The following ADAM10 variants were observed in gnomAD, a reference collection of about 807,000 sequenced individuals.
ADAM10 encodes ADAM metallopeptidase domain 10, also known as disintegrin and metalloproteinase domain-containing protein 10.
A neutral mutation model predicts 90.1 loss-of-function variants in ADAM10; 17 were observed. The observed-to-expected ratio is 0.19, with a 90% CI of 0.13 to 0.28. ADAM10 has a LOEUF of 0.28. Among genes scored for constraint, ADAM10 ranks in the 10% least tolerant of loss-of-function variants. ADAM10 has a pLI of 1.00. For synonymous variants in ADAM10, 310 were observed against 298.6 expected (o/e 1.04, Z -0.40); for missense variants, 610 against 914.3 (o/e 0.67, Z 4.29).
intron 14 of ADAM10, among the ~76,000 whole-genome samples, chr15:58,605,269 G>C (rs1198063358): frequency 1.3e-5 from 2 of 152,126 alleles, no homozygotes; most frequent in Admixed American, 1.3e-4. Flanking sequence ...AATTTTTTCA[G>C]GTAACTATGT....
intron 8 of ADAM10, 113 bp downstream of exon 8, chr15:58,640,664 T>C (rs1482783499): frequency 9.9e-7 from 1 of 1,014,928 alleles, no homozygotes; most frequent in Admixed American, 2.1e-5. Context: ...GTAGCATAAA[T>C]TAGGATATTA....
At chr15:58,617,865 T>A (rs1895662401) in intron 11 of ADAM10, among the ~76,000 whole-genome samples, 1 of 140,938 alleles carries the variant, frequency 7.1e-6, no homozygotes. Context: ...GAAGGAAAAC[T>A]ATGAAACACT....
chr15:58,599,499 T>C (rs1895052550), intron 15 of ADAM10, 99 bp downstream of exon 15: 1 of 1,358,378 alleles, frequency 7.4e-7, no homozygotes, highest in Non-Finnish European at 1.0e-6. Context: ...ACGGAGAAAG[T>C]ACTGTAACAT....
chr15:58,697,006 C>T (rs573862507), intron 2 of ADAM10, among the ~76,000 whole-genome samples: 2 of 152,292 alleles, frequency 1.3e-5, no homozygotes, highest in South Asian at 4.1e-4. Context: ...GTTGTGATCC[C>T]ATGCTGCCCC....
intron 1 of ADAM10, among the ~76,000 whole-genome samples, chr15:58,734,676 G>A (rs1368464559): frequency 1.3e-5 from 2 of 150,948 alleles, no homozygotes; most frequent in Non-Finnish European, 2.9e-5. Context: ...ATGCAGCCTG[G>A]GTGACAAAGT....
chr15:58,744,022 T>C (rs1315769895), intron 1 of ADAM10, among the ~76,000 whole-genome samples: 14 of 152,236 alleles, frequency 9.2e-5, no homozygotes, highest in Non-Finnish European at 2.1e-4. Context: ...AGAGTACTCA[T>C]GATTTAGCTC....
intron 2 of ADAM10, among the ~76,000 whole-genome samples, chr15:58,714,913 T>C (rs996484703): frequency 6.6e-6 from 1 of 152,086 alleles, no homozygotes; most frequent in East Asian, 1.9e-4. Context: ...TGTAGGCCTA[T>C]TTTCAAGGAA....
chr15:58,651,165 T>C (rs771895052), intron 5 of ADAM10, among the ~76,000 whole-genome samples: 13 of 152,178 alleles, frequency 8.5e-5, no homozygotes, highest in Admixed American at 5.9e-4. Flanking sequence ...ATAAGATATA[T>C]AATACTTTGA....
chr15:58,678,376 T>C (rs1398459456), intron 4 of ADAM10, among the ~76,000 whole-genome samples: 1 of 152,038 alleles, frequency 6.6e-6, no homozygotes, highest in African/African-American at 2.4e-5. Flanking sequence ...GGAAAACGTA[T>C]GTAGGAAGAA....
chr15:58,729,738 C>A (rs1188588875), intron 1 of ADAM10, among the ~76,000 whole-genome samples: 1 of 152,036 alleles, frequency 6.6e-6, no homozygotes, highest in African/African-American at 2.4e-5. Flanking sequence ...CCAAGGCAGG[C>A]GGATCACTTG....
intron 1 of ADAM10, among the ~76,000 whole-genome samples, chr15:58,722,267 G>A (rs541839584): frequency 3.3e-5 from 5 of 151,870 alleles, no homozygotes; most frequent in Admixed American, 2.6e-4. Flanking sequence ...ACTTGAACCC[G>A]GAAGGTGGAG....
At chr15:58,730,006 A>G (rs1053383427) in intron 1 of ADAM10, among the ~76,000 whole-genome samples, 2 of 148,482 alleles carry the variant, frequency 1.3e-5, no homozygotes, top group African/African-American at 4.9e-5. Context: ...AAACAAACAA[A>G]AAAAAAAACT....
chr15:58,643,819 G>T, intron 7 of ADAM10, 67 bp downstream of exon 7: 1 of 1,171,240 alleles, frequency 8.5e-7, no homozygotes, highest in Non-Finnish European at 1.3e-6. Context: ...AAGCTTTTGT[G>T]TGTGTGTGTA....
chr15:58,709,314 G>A (rs2140803308), intron 2 of ADAM10, among the ~76,000 whole-genome samples: 1 of 152,180 alleles, frequency 6.6e-6, no homozygotes, highest in Admixed American at 6.5e-5. Context: ...AGATCCAACT[G>A]AACATGAAAC....
intron 12 of ADAM10, chr15:58,611,450 G>A (rs1454525650): frequency 6.1e-6 from 2 of 326,310 alleles, no homozygotes; most frequent in East Asian, 1.4e-4. Context: ...GTAGAGCAAA[G>A]TGATATTCAG....
Position 58,627,770 on chromosome 15 carries a change from ATTG to A in ADAM10, c.1287_1289del (p.Asn430del). 1 of 1,613,584 alleles carries A rather than the reference ATTG, an allele frequency of 6.2e-7. No homozygotes were observed. Among genetic ancestry groups the A allele is most frequent in the Non-Finnish European group, 8.5e-7 (1 of 1,179,656 alleles). Reference sequence around the variant, plus strand: ...TTCTAATACTACAGAGTGAGAATTTATTGTTGTTAAGTTTGTCCCCAGATGTTG... The same window carrying A: ...TTCTAATACTACAGAGTGAGAATTTATTGTTAAGTTTGTCCCCAGATGTTG... On this transcript the variant is annotated inframe_deletion, in exon 10 of 16. Coordinates refer to ENST00000260408, the MANE Select transcript of ADAM10 (RefSeq NM_001110.4).
intron 14 of ADAM10, among the ~76,000 whole-genome samples, chr15:58,604,618 T>C (rs1286195200): frequency 1.3e-5 from 2 of 152,242 alleles, no homozygotes; most frequent in African/African-American, 2.4e-5. Flanking sequence ...GAAACATAAC[T>C]AACAGCTCAT....
chr15:58,708,804 T>C (rs1240136166), intron 2 of ADAM10, among the ~76,000 whole-genome samples: 8 of 152,208 alleles, frequency 5.3e-5, no homozygotes, highest in Admixed American at 5.2e-4. Flanking sequence ...TAGTGCAAAG[T>C]GATTATAATT....
At chr15:58,608,472 A>G (rs1441938300) in intron 14 of ADAM10, among the ~76,000 whole-genome samples, 1 of 152,198 alleles carries the variant, frequency 6.6e-6, no homozygotes, top group African/African-American at 2.4e-5. Flanking sequence ...GATGTGGTTA[A>G]TGCCCACAAA....
Sources: allele counts gnomAD v4.1 joint callset (sites outside exome capture counted in the v4.1 genomes callset), GRCh38; gene constraint gnomAD v4.1.1; transcripts MANE v1.5; gene names NCBI Gene and HGNC (gene_info 2026-07-23, HGNC 2026-07-21).